Variants in ZFAND3 observed in about 807,000 individuals in gnomAD.
The protein encoded by ZFAND3 is zinc finger AN1-type containing 3.
Under a neutral mutation model 29.6 loss-of-function variants are expected in ZFAND3, and 10 were observed. The ratio of observed to expected loss-of-function variants is 0.34; its 90% CI spans 0.21 to 0.57. The LOEUF (loss-of-function observed/expected upper bound fraction) is 0.57, where lower values mean the gene tolerates loss of function less well. ZFAND3 is among the 20% of genes least tolerant of loss of function. The pLI is 0.86. For synonymous variants in ZFAND3, 128 were observed against 112.6 expected (o/e 1.14, Z -0.87); for missense variants, 230 against 304.5 (o/e 0.76, Z 1.82).
chr6:38,020,681 T>G (rs549034016), intron 2 of ZFAND3, among the ~76,000 whole-genome samples: 7 of 152,350 alleles, frequency 4.6e-5, no homozygotes, highest in Non-Finnish European at 8.8e-5. Flanking sequence ...CAGCCTGATA[T>G]TGTCCAGATT....
intron 1 of ZFAND3, among the ~76,000 whole-genome samples, chr6:37,928,280 A>G (rs1478758939): frequency 6.6e-6 from 1 of 152,190 alleles, no homozygotes; most frequent in Non-Finnish European, 1.5e-5. Context: ...TAATTGTAAA[A>G]CATAGTAAAG....
rs973581681 is a variant in ZFAND3, at chr6:37,952,243, T to C, written c.112+22244T>C. On this transcript the variant is annotated intron_variant, in intron 2 of 5. Coordinates refer to ENST00000287218, the MANE Select transcript of ZFAND3 (RefSeq NM_021943.3). ...GAATCTGTTAGGGAAGAGTCCCTCT[T>C]CCTCAGTTTTTTGCAATAGTTTCAG... is the stretch of plus-strand genomic sequence containing the variant. 2.6e-5 allele frequency among the ~76,000 whole-genome samples: 4 copies of C among 152,254 alleles called. 1 individual carries two copies. The East Asian group carries it at 7.7e-4, about 29-fold the overall frequency.
intron 4 of ZFAND3, among the ~76,000 whole-genome samples, chr6:38,115,227 G>A (rs577895064): frequency 6.6e-6 from 1 of 152,270 alleles, no homozygotes; most frequent in East Asian, 1.9e-4. Flanking sequence ...TGTAGATCTG[G>A]GTGAAGAGTG....
chr6:38,000,791 C>T (rs572585312), intron 2 of ZFAND3, among the ~76,000 whole-genome samples: 4 of 152,304 alleles, frequency 2.6e-5, no homozygotes, highest in African/African-American at 9.6e-5. Context: ...ATCAGACCAA[C>T]AGCCATAACT....
chr6:37,947,097 T>G (rs183350516), intron 2 of ZFAND3, among the ~76,000 whole-genome samples: 1 of 152,290 alleles, frequency 6.6e-6, no homozygotes, highest in African/African-American at 2.4e-5. Flanking sequence ...AGATAATGAT[T>G]AAAATAGTGT....
chr6:37,944,184 AT>A (rs1209775460), intron 2 of ZFAND3, among the ~76,000 whole-genome samples: 5 of 152,180 alleles, frequency 3.3e-5, no homozygotes, highest in Non-Finnish European at 5.9e-5. Context: ...TTTAATTAAA[AT>A]TTTTATTTAA....
chr6:37,958,415 C>T (rs556716644), intron 2 of ZFAND3, among the ~76,000 whole-genome samples: 43 of 145,140 alleles, frequency 3.0e-4, no homozygotes, highest in African/African-American at 1.1e-3. Flanking sequence ...GATTGTGCCA[C>T]TGCACTTCAG....
chr6:37,960,049 C>T (rs777628709), intron 2 of ZFAND3, among the ~76,000 whole-genome samples: 1 of 152,150 alleles, frequency 6.6e-6, no homozygotes, highest in Non-Finnish European at 1.5e-5. Flanking sequence ...GAAATAGCAA[C>T]ACAGTATTTC....
intron 5 of ZFAND3, among the ~76,000 whole-genome samples, chr6:38,139,222 G>T (rs1037729901): frequency 4.6e-5 from 7 of 152,146 alleles, no homozygotes; most frequent in African/African-American, 1.7e-4. Flanking sequence ...GCTCCCTAGG[G>T]TTCAGAGAAC....
At chr6:38,067,073 A>G (rs1187828674) in intron 3 of ZFAND3, among the ~76,000 whole-genome samples, 3 of 152,240 alleles carry the variant, frequency 2.0e-5, no homozygotes, top group African/African-American at 7.2e-5. Context: ...CACAACAAGT[A>G]TCCTTGCTAA....
intron 1 of ZFAND3, among the ~76,000 whole-genome samples, chr6:37,857,325 T>A (rs931494980): frequency 3.3e-5 from 5 of 152,184 alleles, no homozygotes; most frequent in African/African-American, 1.2e-4. Context: ...CAGAAACATA[T>A]AACATGATAA....
intron 1 of ZFAND3, among the ~76,000 whole-genome samples, chr6:37,902,309 A>G (rs1210425584): frequency 6.6e-6 from 1 of 152,060 alleles, no homozygotes. Context: ...TGTATTTTTA[A>G]TACAAAAATT....
At chr6:38,038,622 C>CT (rs1395352954) in intron 2 of ZFAND3, among the ~76,000 whole-genome samples, 2 of 152,054 alleles carry the variant, frequency 1.3e-5, no homozygotes, top group East Asian at 3.9e-4. Context: ...GTTTCCCCCC[C>CT]GCTTTGGTGC....
chr6:37,912,289 G>A (rs571067853), intron 1 of ZFAND3, among the ~76,000 whole-genome samples: 3 of 152,188 alleles, frequency 2.0e-5, no homozygotes, highest in African/African-American at 7.2e-5. Context: ...TTAGATGGTA[G>A]CACACAGAGT....
chr6:38,139,527 G>A (rs530583129), intron 5 of ZFAND3, among the ~76,000 whole-genome samples: 1 of 152,272 alleles, frequency 6.6e-6, no homozygotes, highest in South Asian at 2.1e-4. Context: ...TGAAGCTAAG[G>A]CCTGAGTAAG....
intron 5 of ZFAND3, among the ~76,000 whole-genome samples, chr6:38,129,307 G>C (rs1455377193): frequency 6.6e-6 from 1 of 152,124 alleles, no homozygotes; most frequent in African/African-American, 2.4e-5. Context: ...TCCTTTTGCT[G>C]TGCAAAAGCT....
intron 1 of ZFAND3, among the ~76,000 whole-genome samples, chr6:37,879,854 A>T (rs1364086421): frequency 2.0e-5 from 3 of 152,194 alleles, no homozygotes; most frequent in Non-Finnish European, 2.9e-5. Context: ...TAGCATGAAG[A>T]TGTTGGCTTG....
intron 1 of ZFAND3, among the ~76,000 whole-genome samples, chr6:37,919,169 G>A (rs1458602455): frequency 1.3e-5 from 2 of 151,986 alleles, no homozygotes; most frequent in Admixed American, 6.5e-5. Context: ...GGCCAGGGTG[G>A]TCTGAATCTC....
At chr6:37,911,157 C>T (rs945790480) in intron 1 of ZFAND3, among the ~76,000 whole-genome samples, 1 of 152,146 alleles carries the variant, frequency 6.6e-6, no homozygotes, top group African/African-American at 2.4e-5. Flanking sequence ...GAGTAGTATA[C>T]AAGGGTTCCC....
Sources: gnomAD v4.1 joint callset for allele counts (sites outside exome capture counted in the v4.1 genomes callset) on GRCh38, gnomAD v4.1.1 for gene constraint, MANE v1.5 for transcripts, NCBI Gene and HGNC (gene_info 2026-07-23, HGNC 2026-07-21) for gene names.